RUNX1: variants seen among roughly 807,000 people sequenced by gnomAD.
RUNX1 encodes the protein RUNX family transcription factor 1, also known as runt-related transcription factor 1.
A neutral mutation model predicts 42.8 loss-of-function variants in RUNX1; 19 were observed. The ratio of observed to expected loss-of-function variants is 0.44; its 90% CI spans 0.31 to 0.65. The LOEUF (loss-of-function observed/expected upper bound fraction) is 0.65. RUNX1 is among the 30% of genes least tolerant of loss of function. The pLI is 0.07. For synonymous variants in RUNX1, 271 were observed against 289.4 expected, an observed-to-expected ratio of 0.94 and a Z score of 0.64; for missense variants, 528 against 672.0, an observed-to-expected ratio of 0.79 and a Z score of 2.37.
intron 2 of RUNX1, among the ~76,000 whole-genome samples, chr21:35,032,671 A>G (rs1219864412): frequency 6.6e-6 from 1 of 152,180 alleles, no homozygotes. Flanking sequence ...CCAGCTTCCC[A>G]CAAGGGACAC....
At chr21:34,933,327 C>T (rs962451778) in intron 2 of RUNX1, among the ~76,000 whole-genome samples, 4 of 152,276 alleles carry the variant, frequency 2.6e-5, no homozygotes, top group South Asian at 4.1e-4. Context: ...GCCAGTGTTT[C>T]CAAATGTCTA....
intron 2 of RUNX1, among the ~76,000 whole-genome samples, chr21:34,992,682 A>AAG (rs1023350275): frequency 2.0e-5 from 3 of 151,850 alleles, no homozygotes; most frequent in African/African-American, 7.2e-5. Flanking sequence ...TATAAAAAAA[A>AAG]AAAAAAGAAA....
chr21:34,863,500 A>C (rs2057606756), intron 5 of RUNX1, among the ~76,000 whole-genome samples: 2 of 151,504 alleles, frequency 1.3e-5, no homozygotes, highest in Non-Finnish European at 2.9e-5. Context: ...CAAAGTGATA[A>C]TTTGTGAAAT....
intron 7 of RUNX1, among the ~76,000 whole-genome samples, chr21:34,806,610 C>G (rs146983920): frequency 3.3e-5 from 5 of 152,224 alleles, no homozygotes; most frequent in African/African-American, 1.2e-4. Context: ...TTGACCTAAA[C>G]GGCACTACCA....
chr21:34,887,740 A>G lies in RUNX1; in HGVS notation c.98-644T>C, dbSNP rs530627563. ...TGCTCTACTTCATAAAATATTTACA[A>G]TACAATCTGTGGAGAATTTAAACAC... On this transcript the variant is annotated intron_variant, in intron 3 of 8. Transcript: ENST00000675419. The G allele has an allele frequency of 1.2e-4, 125 of 1,060,698 alleles. 1 individual carries two copies. The highest frequency in any genetic ancestry group is 1.0e-3 in the East Asian group (20 of 19,256). 65.7% of individuals were successfully genotyped at this position (1,060,698 alleles called of 1,614,324 possible).
intron 6 of RUNX1, among the ~76,000 whole-genome samples, chr21:34,836,069 T>C (rs2057141876): frequency 6.6e-6 from 1 of 152,246 alleles, no homozygotes; most frequent in African/African-American, 2.4e-5. Flanking sequence ...AGTGATTTTA[T>C]CATTAACGAG....
chr21:34,873,205 A>G (rs1181912885), intron 5 of RUNX1, among the ~76,000 whole-genome samples: 1 of 152,196 alleles, frequency 6.6e-6, no homozygotes, highest in East Asian at 1.9e-4. Flanking sequence ...GAGTGTTTCC[A>G]CCTCCAGAGA....
intron 7 of RUNX1, among the ~76,000 whole-genome samples, chr21:34,815,270 A>G (rs1005392963): frequency 1.3e-5 from 2 of 152,206 alleles, no homozygotes; most frequent in African/African-American, 4.8e-5. Context: ...TGTTTTAGAC[A>G]ACTGTGGGTG....
intron 3 of RUNX1, among the ~76,000 whole-genome samples, chr21:34,890,845 G>T (rs1384432150): frequency 6.7e-6 from 1 of 149,910 alleles, no homozygotes; most frequent in Non-Finnish European, 1.5e-5. Flanking sequence ...GACGCGGCCC[G>T]CTCTAGAGGC....
chr21:34,893,080 T>G, intron 2 of RUNX1, 117 bp from the exon 3 acceptor site: 8 of 687,278 alleles, frequency 1.2e-5, no homozygotes. Flanking sequence ...CTGGAGATTT[T>G]TATAGCTTTG....
At chr21:34,822,446 GA>G (rs2056921648) in intron 7 of RUNX1, among the ~76,000 whole-genome samples, 2 of 152,336 alleles carry the variant, frequency 1.3e-5, no homozygotes. Flanking sequence ...ACTGCTCTGT[GA>G]TAACCCAGGT....
At chr21:34,949,086 C>A (rs1044307241) in intron 2 of RUNX1, among the ~76,000 whole-genome samples, 1 of 152,124 alleles carries the variant, frequency 6.6e-6, no homozygotes, top group Non-Finnish European at 1.5e-5. Context: ...TGGAGATGTT[C>A]ATTTATTTCC....
chr21:34,828,646 G>A (rs1297692539), intron 7 of RUNX1, among the ~76,000 whole-genome samples: 1 of 152,232 alleles, frequency 6.6e-6, no homozygotes, highest in Non-Finnish European at 1.5e-5. Context: ...GCAATGTTGA[G>A]AGGTGGGGCC....
chr21:34,904,684 T>A (rs938248944), intron 2 of RUNX1, among the ~76,000 whole-genome samples: 4 of 152,300 alleles, frequency 2.6e-5, no homozygotes, highest in East Asian at 1.9e-4. Flanking sequence ...TGAGGAGAAT[T>A]TAAAATGTAT....
intron 7 of RUNX1, among the ~76,000 whole-genome samples, chr21:34,827,566 C>T (rs148293453): frequency 6.6e-6 from 1 of 152,324 alleles, no homozygotes; most frequent in Non-Finnish European, 1.5e-5. Flanking sequence ...CAAGTTGCTC[C>T]TCCCATCATA....
chr21:34,956,124 G>A, intron 2 of RUNX1, among the ~76,000 whole-genome samples: 1 of 152,198 alleles, frequency 6.6e-6, no homozygotes, highest in East Asian at 1.9e-4. Context: ...GAGAGATGGT[G>A]GAGATGTGGG....
chr21:34,791,640 A>T lies in RUNX1; in HGVS notation c.*495T>A, dbSNP rs2056436068. The T allele has an allele frequency of 4.3e-6, 1 of 231,092 alleles. No homozygotes were observed. Among genetic ancestry groups the T allele is most frequent in the Non-Finnish European group, 8.6e-6 (1 of 116,488 alleles). The allele number at this position is 231,092 out of a possible 1,614,324, so 14.3% of individuals were successfully genotyped here. ...GCATTTTGCAATTGATAAGGTGCGGAAAAATTAAAAATAAGAATTAGATGC... is the reference window on the plus strand; with the variant it reads ...GCATTTTGCAATTGATAAGGTGCGGTAAAATTAAAAATAAGAATTAGATGC... On this transcript the variant is annotated 3_prime_UTR_variant, in exon 9 of 9. Coordinates refer to ENST00000675419, the MANE Select transcript of RUNX1 (RefSeq NM_001754.5).
At chr21:35,001,522 G>C (rs188893925) in intron 2 of RUNX1, among the ~76,000 whole-genome samples, 257 of 152,008 alleles carry the variant, frequency 1.7e-3, no homozygotes, top group Middle Eastern at 6.8e-3. Flanking sequence ...CTCATATATA[G>C]AAACCCACAA....
intron 2 of RUNX1, among the ~76,000 whole-genome samples, chr21:34,898,847 A>G (rs2058151380): frequency 6.6e-6 from 1 of 152,236 alleles, no homozygotes; most frequent in African/African-American, 2.4e-5. Flanking sequence ...ATAAGCTCCC[A>G]GTGTTGCCAC....
Sources: allele counts gnomAD v4.1 joint callset (sites outside exome capture counted in the v4.1 genomes callset), GRCh38; gene constraint gnomAD v4.1.1; transcripts MANE v1.5; gene names NCBI Gene and HGNC (gene_info 2026-07-23, HGNC 2026-07-21).